Variants in OTUD7A observed in about 807,000 individuals in gnomAD.
The protein encoded by OTUD7A is OTU deubiquitinase 7A, also known as OTU domain-containing protein 7A.
OTUD7A carries 12 observed loss-of-function variants against 65.7 expected under a neutral mutation model. The ratio of observed to expected loss-of-function variants is 0.18; its 90% CI spans 0.12 to 0.30. The LOEUF is 0.30. Among genes scored for constraint, OTUD7A ranks in the 10% least tolerant of loss-of-function variants. The probability of loss-of-function intolerance (pLI) is 1.00; values close to 1 mark genes in which losing one functional copy is unlikely to be tolerated. For missense variants in OTUD7A, 1,148 were observed against 1,304.8 expected, an observed-to-expected ratio of 0.88 and a Z score of 1.85; for synonymous variants, 641 against 586.3, an observed-to-expected ratio of 1.09 and a Z score of -1.35.
chr15:31,786,483 G>A (rs1595767714), intron 1 of OTUD7A, among the ~76,000 whole-genome samples: 1 of 152,294 alleles, frequency 6.6e-6, no homozygotes, highest in East Asian at 1.9e-4. Context: ...GTGAGACAGG[G>A]TGTGTGCCTG....
intron 1 of OTUD7A, among the ~76,000 whole-genome samples, chr15:31,858,673 G>T (rs1449098210): frequency 1.3e-5 from 2 of 152,174 alleles, no homozygotes; most frequent in African/African-American, 4.8e-5. Flanking sequence ...AAGAACAACG[G>T]CCAGGTTCCC....
rs186656588 is a variant in OTUD7A at position 31,774,036 on chromosome 15, A to C, written c.-100+96471T>G. 1.3e-3 allele frequency among the ~76,000 whole-genome samples: 197 copies of C among 152,392 alleles called. 1 individual carries two copies. The South Asian group carries it at 0.022, about 17-fold the overall frequency. On this transcript the variant is annotated intron_variant, in intron 1 of 12. Coordinates refer to ENST00000307050, the MANE Select transcript of OTUD7A (RefSeq NM_001382637.1). ...GGCACAGTGGGTAAAAAGTAAAAACAAGGCTATCTGAAGACATGCCCAGAG... is the reference window on the plus strand; with the variant it reads ...GGCACAGTGGGTAAAAAGTAAAAACCAGGCTATCTGAAGACATGCCCAGAG...
chr15:31,791,705 G>C (rs541896676), intron 1 of OTUD7A, among the ~76,000 whole-genome samples: 1 of 152,168 alleles, frequency 6.6e-6, no homozygotes, highest in East Asian at 1.9e-4. Flanking sequence ...ATATTAATTA[G>C]CCTTCAAGAG....
At chr15:31,682,980 T>C (rs760057137) in intron 1 of OTUD7A, among the ~76,000 whole-genome samples, 25 of 152,230 alleles carry the variant, frequency 1.6e-4, no homozygotes, top group Non-Finnish European at 2.6e-4. Flanking sequence ...GACATTTGGT[T>C]AGAAATTCCA....
intron 1 of OTUD7A, among the ~76,000 whole-genome samples, chr15:31,679,722 C>A (rs1892670047): frequency 6.6e-6 from 1 of 152,174 alleles, no homozygotes; most frequent in African/African-American, 2.4e-5. Context: ...GCCAATTAAA[C>A]CTCTTTCCTT....
intron 8 of OTUD7A, among the ~76,000 whole-genome samples, chr15:31,505,096 G>A (rs2041539384): frequency 6.6e-6 from 1 of 152,110 alleles, no homozygotes; most frequent in Non-Finnish European, 1.5e-5. Context: ...TGTTATGAGA[G>A]TATATTGAAT....
chr15:31,811,516 T>A (rs1896415381), intron 1 of OTUD7A, among the ~76,000 whole-genome samples: 1 of 152,054 alleles, frequency 6.6e-6, no homozygotes, highest in South Asian at 2.1e-4. Flanking sequence ...TGGGTATGTG[T>A]ATGACATCTG....
intron 1 of OTUD7A, among the ~76,000 whole-genome samples, chr15:31,769,071 G>A (rs749272390): frequency 3.3e-5 from 5 of 152,096 alleles, no homozygotes; most frequent in Non-Finnish European, 7.4e-5. Context: ...ATCGATTATT[G>A]GAATGAATTT....
intron 1 of OTUD7A, among the ~76,000 whole-genome samples, chr15:31,845,653 C>T (rs1897278879): frequency 6.6e-6 from 1 of 152,192 alleles, no homozygotes; most frequent in Admixed American, 6.5e-5. Context: ...ACTCTGCGAC[C>T]TCCCACTGCT....
chr15:31,721,141 T>C (rs1343001040), intron 1 of OTUD7A, among the ~76,000 whole-genome samples: 3 of 152,284 alleles, frequency 2.0e-5, no homozygotes, highest in African/African-American at 7.2e-5. Flanking sequence ...TCTCGGATTG[T>C]ATCCCTGTGG....
chr15:31,674,445 G>T (rs542876288), intron 1 of OTUD7A, among the ~76,000 whole-genome samples: 1 of 152,318 alleles, frequency 6.6e-6, no homozygotes, highest in Non-Finnish European at 1.5e-5. Flanking sequence ...GAGCCTAGAA[G>T]GCAACGGGCA....
At chr15:31,506,008 G>A (rs1288117896) in intron 8 of OTUD7A, among the ~76,000 whole-genome samples, 1 of 151,928 alleles carries the variant, frequency 6.6e-6, no homozygotes, top group Non-Finnish European at 1.5e-5. Context: ...AAAGTGCTGG[G>A]ATTACAGACG....
intron 3 of OTUD7A, among the ~76,000 whole-genome samples, chr15:31,598,310 C>T (rs1889967843): frequency 6.6e-6 from 1 of 152,186 alleles, no homozygotes; most frequent in East Asian, 1.9e-4. Flanking sequence ...ACAGGTTCAT[C>T]TCATTGGGAC....
At chr15:31,536,982 T>C (rs1040387423) in intron 5 of OTUD7A, among the ~76,000 whole-genome samples, 1 of 152,206 alleles carries the variant, frequency 6.6e-6, no homozygotes, top group Non-Finnish European at 1.5e-5. Flanking sequence ...ACACTCTGAC[T>C]CAATCACTAC....
chr15:31,790,208 A>T (rs763852097), intron 1 of OTUD7A, among the ~76,000 whole-genome samples: 17 of 152,182 alleles, frequency 1.1e-4, no homozygotes, highest in Non-Finnish European at 1.6e-4. Context: ...TGGCGTCAGG[A>T]TCCCTGCAGG....
At chr15:31,491,506 A>G (rs1173801023) in intron 10 of OTUD7A, among the ~76,000 whole-genome samples, 2 of 152,238 alleles carry the variant, frequency 1.3e-5, no homozygotes, top group Admixed American at 6.5e-5. Flanking sequence ...ACAGCATCTA[A>G]GAGCTGTGTG....
chr15:31,620,612 T>G (rs1379218321), intron 3 of OTUD7A, among the ~76,000 whole-genome samples: 4 of 143,732 alleles, frequency 2.8e-5, no homozygotes, highest in East Asian at 2.0e-4. Context: ...TCGGTGGTGA[T>G]ATCCCCTTTA....
intron 3 of OTUD7A, among the ~76,000 whole-genome samples, chr15:31,614,910 A>C (rs1241926187): frequency 1.3e-5 from 2 of 152,190 alleles, no homozygotes; most frequent in Admixed American, 6.5e-5. Context: ...TGAATTGTCC[A>C]AAGTATGGTA....
At chr15:31,723,342 C>A (rs1289698386) in intron 1 of OTUD7A, among the ~76,000 whole-genome samples, 1 of 151,578 alleles carries the variant, frequency 6.6e-6, no homozygotes, top group South Asian at 2.1e-4. Context: ...ATTGCCCTGC[C>A]GCCTTCTGAA....
Sources: allele counts gnomAD v4.1 joint callset (sites outside exome capture counted in the v4.1 genomes callset), GRCh38; gene constraint gnomAD v4.1.1; transcripts MANE v1.5; gene names NCBI Gene and HGNC (gene_info 2026-07-23, HGNC 2026-07-21).